Variants in NAA38 observed in about 807,000 individuals in gnomAD.
NAA38 encodes the protein LSM domain containing 1.
In NAA38, 15 loss-of-function variants were observed where a neutral mutation model predicts 12.6. The observed-to-expected ratio is 1.19, with a 90% CI of 0.79 to 1.83. The LOEUF (loss-of-function observed/expected upper bound fraction) is 1.83, where lower values mean the gene tolerates loss of function less well. Among genes scored for constraint, NAA38 ranks in the 40% most tolerant of loss-of-function variants. NAA38 has a pLI of 0.00. For missense variants in NAA38, 183 were observed against 171.7 expected (o/e 1.07, Z -0.37); for synonymous variants, 88 against 69.9 (o/e 1.26, Z -1.29).
At chr17:7,856,899 T>C (rs1476013795) in intron 2 of NAA38, 56 bp from the exon 3 acceptor site, 5 of 1,596,526 alleles carry the variant, frequency 3.1e-6, no homozygotes, top group Admixed American at 3.4e-5. Context: ...CCCGCCCCTC[T>C]GAGCCACGAA....
chr17:7,881,374 A>G (rs1967269690), intron 2 of NAA38, among the ~76,000 whole-genome samples: 1 of 152,084 alleles, frequency 6.6e-6, no homozygotes, highest in Non-Finnish European at 1.5e-5. Flanking sequence ...AGAGACTGGG[A>G]AAATGGCAAA....
chr17:7,867,255 T>C (rs1281304418), intron 2 of NAA38, among the ~76,000 whole-genome samples: 1 of 151,430 alleles, frequency 6.6e-6, no homozygotes, highest in South Asian at 2.1e-4. Context: ...GTAAACCAGG[T>C]TAAGTTTTAT....
upstream of NAA38, chr17:7,858,140 G>A (rs772908801): frequency 3.1e-6 from 5 of 1,613,430 alleles, no homozygotes; most frequent in Non-Finnish European, 3.4e-6. Flanking sequence ...GAGCCATGCC[G>A]CGCCGGGGCC....
chr17:7,880,499 A>G (rs1166764056), intron 2 of NAA38, among the ~76,000 whole-genome samples: 1 of 152,198 alleles, frequency 6.6e-6, no homozygotes, highest in Non-Finnish European at 1.5e-5. Context: ...CTAAGGTGGC[A>G]TGTGAGTGGA....
upstream of NAA38, chr17:7,861,920 T>C (rs1376039614): frequency 6.6e-6 from 1 of 152,270 alleles, no homozygotes; most frequent in East Asian, 1.9e-4. Flanking sequence ...CCCCTCTTTG[T>C]TCTCTATGGC....
At chr17:7,858,911 A>G (rs1042831230), upstream of NAA38, 51 of 1,240,080 alleles carry the variant, frequency 4.1e-5, no homozygotes, top group South Asian at 8.1e-4. Flanking sequence ...CATTTTTTCC[A>G]TAACCGGTGG....
At chr17:7,873,535 G>T (rs1191460171) in intron 2 of NAA38, among the ~76,000 whole-genome samples, 1 of 152,078 alleles carries the variant, frequency 6.6e-6, no homozygotes, top group African/African-American at 2.4e-5. Context: ...CAGCTAAAGG[G>T]GTCCAGAGTA....
chr17:7,867,394 A>G (rs1597878785), intron 2 of NAA38, among the ~76,000 whole-genome samples: 1 of 152,272 alleles, frequency 6.6e-6, no homozygotes, highest in South Asian at 2.1e-4. Context: ...GCTGGAGTGC[A>G]ATGGCATGAT....
At chr17:7,858,689 G>A (rs1328016515), upstream of NAA38, 3 of 1,611,500 alleles carry the variant, frequency 1.9e-6, no homozygotes, top group South Asian at 2.2e-5. Flanking sequence ...CGCCTCAGCT[G>A]CCCTGTTCGG....
intron 1 of NAA38, chr17:7,884,966 C>T (rs1967519799): frequency 7.9e-7 from 1 of 1,261,300 alleles, no homozygotes; most frequent in Admixed American, 3.1e-5. Context: ...AGTACTCGGG[C>T]GCGGGCCGGG....
In NAA38 at chr17:7,857,470, G is replaced by A. The variant is rs987049754; in HGVS notation, c.-7C>T. The A allele has an allele frequency of 6.6e-7, 1 of 1,525,932 alleles. No homozygotes were observed. The highest frequency in any genetic ancestry group is 8.8e-7 in the Non-Finnish European group (1 of 1,136,876). 94.5% of individuals were successfully genotyped at this position (1,525,932 alleles called of 1,614,324 possible). A position where few individuals can be genotyped will look rare whatever the true frequency, so the allele number is the denominator to read the frequency against. Reference sequence around the variant, plus strand: ...TCGGTCCAGCTCCGGCCATTTGCCCGGAGGCCTCCTCTGGGCCTTTCAACT... The same window carrying A: ...TCGGTCCAGCTCCGGCCATTTGCCCAGAGGCCTCCTCTGGGCCTTTCAACT... On this transcript the variant is annotated 5_prime_UTR_variant, in exon 1 of 3. Coordinates refer to ENST00000575771, the MANE Select transcript of NAA38 (RefSeq NM_001320925.4).
chr17:7,883,577 A>G (rs1015944060), intron 1 of NAA38, among the ~76,000 whole-genome samples: 17 of 152,190 alleles, frequency 1.1e-4, no homozygotes, highest in Non-Finnish European at 2.5e-4. Context: ...ACTCCTTTGA[A>G]AAAAACTCAA....
Position 7,857,398 on chromosome 17 carries a change from G to A in NAA38, c.66C>T (p.Ser22=). Reference sequence around the variant, plus strand: ...CCGTGCTAACCCCAGCACTGGAGCTGCTCTGACGCCGACTGCAACAGCCAT... The same window carrying A: ...CCGTGCTAACCCCAGCACTGGAGCTACTCTGACGCCGACTGCAACAGCCAT... ...EENGCCSRRQ[S]SSSAGDSDGE... The change falls in exon 1 of 3, where the codon AGC becomes AGT. Residue 22 remains serine, a synonymous_variant. Coordinates refer to ENST00000575771, the MANE Select transcript of NAA38 (RefSeq NM_001320925.4). 1.2e-6 allele frequency: 2 copies of A among 1,606,194 alleles called. No homozygotes were observed. The highest frequency in any genetic ancestry group is 1.7e-5 in the Admixed American group (1 of 57,682).
intron 1 of NAA38, chr17:7,884,912 G>A (rs1567823515): frequency 1.4e-6 from 2 of 1,420,198 alleles, no homozygotes; most frequent in Non-Finnish European, 1.9e-6. Flanking sequence ...GGAGGAGGAG[G>A]TGGAGGCGGC....
chr17:7,860,143 C>T (rs562752765), upstream of NAA38: 1 of 150,518 alleles, frequency 6.6e-6, no homozygotes, highest in Non-Finnish European at 1.4e-5. Context: ...ACTTCATATA[C>T]CCTCTTTTTT....
chr17:7,866,253 A>ATTTTTT (rs56289148), intron 3 of NAA38, among the ~76,000 whole-genome samples: 1 of 90,590 alleles, frequency 1.1e-5, no homozygotes, highest in African/African-American at 4.3e-5. Flanking sequence ...AGCCCGGCTA[A>ATTTTTT]TTTTTTTTTT....
chr17:7,859,570 T>A, upstream of NAA38: 1 of 1,614,162 alleles, frequency 6.2e-7, no homozygotes, highest in South Asian at 1.1e-5. Flanking sequence ...TTCACACACC[T>A]GCAATACTTC....
At chr17:7,864,801 G>A (rs1966934894) in intron 3 of NAA38, 1 of 151,922 alleles carries the variant, frequency 6.6e-6, no homozygotes, top group Non-Finnish European at 1.5e-5. Context: ...GGGAGGCTGA[G>A]GCAAAATGGC....
intron 2 of NAA38, among the ~76,000 whole-genome samples, chr17:7,875,535 A>G (rs765793258): frequency 1.3e-5 from 2 of 152,078 alleles, no homozygotes; most frequent in African/African-American, 2.4e-5. Flanking sequence ...TAGTCTTGCT[A>G]TGTTGCTCAG....
Sources: gnomAD v4.1 joint callset for allele counts (sites outside exome capture counted in the v4.1 genomes callset) on GRCh38, gnomAD v4.1.1 for gene constraint, MANE v1.5 for transcripts, NCBI Gene and HGNC (gene_info 2026-07-23, HGNC 2026-07-21) for gene names.